ATP8A2: variants seen among roughly 807,000 people sequenced by gnomAD.
ATP8A2 encodes the protein phospholipid-transporting ATPase IB.
Under a neutral mutation model 165.6 loss-of-function variants are expected in ATP8A2, and 100 were observed. The observed-to-expected ratio is 0.60, with a 90% CI of 0.51 to 0.71. The LOEUF (loss-of-function observed/expected upper bound fraction) is 0.71, where lower values mean the gene tolerates loss of function less well. ATP8A2 is among the 30% of genes least tolerant of loss of function. The probability of loss-of-function intolerance (pLI) is 0.00; values close to 1 mark genes in which losing one functional copy is unlikely to be tolerated. For missense variants in ATP8A2, 1,227 were observed against 1,479.5 expected, an observed-to-expected ratio of 0.83 and a Z score of 2.80; for synonymous variants, 543 against 548.8, an observed-to-expected ratio of 0.99 and a Z score of 0.15.
chr13:25,654,561 C>T (rs1377548879), intron 24 of ATP8A2, among the ~76,000 whole-genome samples: 3 of 152,150 alleles, frequency 2.0e-5, no homozygotes, highest in African/African-American at 7.2e-5. Context: ...CACTGAGTCA[C>T]TAGGCCATCC....
intron 33 of ATP8A2, chr13:25,927,433 T>C: frequency 2.9e-6 from 1 of 350,230 alleles, no homozygotes; most frequent in South Asian, 2.2e-5. Flanking sequence ...ATTCTGAGCT[T>C]TTCTGGGTCA....
chr13:25,961,438 A>C (rs1374129349), intron 33 of ATP8A2, 137 bp from the exon 34 acceptor site: 2 of 651,356 alleles, frequency 3.1e-6, no homozygotes, highest in East Asian at 2.9e-5. Flanking sequence ...TGGTCCTGCC[A>C]GTGCATGGGT....
At chr13:25,760,617 A>AT (rs1335878962) in intron 25 of ATP8A2, among the ~76,000 whole-genome samples, 1 of 152,238 alleles carries the variant, frequency 6.6e-6, no homozygotes, top group Admixed American at 6.5e-5. Flanking sequence ...GGAGGTGCAT[A>AT]TAACACTGAA....
At chr13:25,626,658 T>C (rs548178609) in intron 24 of ATP8A2, among the ~76,000 whole-genome samples, 1 of 152,268 alleles carries the variant, frequency 6.6e-6, no homozygotes, top group South Asian at 2.1e-4. Flanking sequence ...GGATGATGTG[T>C]TAAGGAGTGG....
intron 24 of ATP8A2, among the ~76,000 whole-genome samples, chr13:25,639,724 A>C (rs2041464911): frequency 6.6e-6 from 1 of 151,232 alleles, no homozygotes; most frequent in Non-Finnish European, 1.5e-5. Context: ...GATATCCGGG[A>C]ATTGAACTCA....
At chr13:25,549,854 C>A (rs145495627) in intron 10 of ATP8A2, among the ~76,000 whole-genome samples, 1,974 of 152,258 alleles carry the variant, frequency 0.013, 19 homozygotes, top group Non-Finnish European at 0.021. Flanking sequence ...TTCTCTGTCT[C>A]CACCTCTCCC....
In ATP8A2 at chr13:25,901,754, A is replaced by T. The variant is rs576130657; in HGVS notation, c.3183+39346A>T. ...CACTCTAGATCGTATTTGCTAAGCT[A>T]GTAAAGCCGTGTAGGCTTGTTCTAG... On this transcript the variant is annotated intron_variant, in intron 33 of 36. Transcript: ENST00000381655. Among the ~76,000 whole-genome samples, 7 of 152,372 alleles carry T rather than the reference A, an allele frequency of 4.6e-5. No individual in the cohort carries two copies. The South Asian group carries it at 6.2e-4, about 14-fold the overall frequency.
At chr13:25,375,731 C>T (rs1237611654) in intron 1 of ATP8A2, among the ~76,000 whole-genome samples, 1 of 151,976 alleles carries the variant, frequency 6.6e-6, no homozygotes, top group Non-Finnish European at 1.5e-5. Context: ...CACCACCACA[C>T]TCAGCTAATT....
rs1566297209 is a variant in ATP8A2 at position 25,581,814 on chromosome 13, T to C, written c.2008-5T>C. On this transcript the variant is annotated splice_region_variant and splice_polypyrimidine_tract_variant and intron_variant, in intron 22 of 36. Transcript: ENST00000381655. ...TCTTTAACTGAGGATATTTTTTCAA[T>C]GTAGAATTTGCTGCTACTTGGAGCC... 8.7e-6 allele frequency: 14 copies of C among 1,613,450 alleles called. No homozygotes were observed. The highest frequency in any genetic ancestry group is 1.2e-5 in the Non-Finnish European group (14 of 1,179,588).
At chr13:26,016,387 A>G (rs1311520935) in intron 36 of ATP8A2, among the ~76,000 whole-genome samples, 2 of 152,176 alleles carry the variant, frequency 1.3e-5, no homozygotes, top group Admixed American at 1.3e-4. Flanking sequence ...CCCATCCCAG[A>G]GGGGCCAAAT....
At chr13:25,990,954 G>T (rs1479706124) in intron 35 of ATP8A2, among the ~76,000 whole-genome samples, 1 of 152,108 alleles carries the variant, frequency 6.6e-6, no homozygotes. Context: ...CTTTTCATAG[G>T]CTTGCCGACA....
intron 33 of ATP8A2, among the ~76,000 whole-genome samples, chr13:25,903,048 G>A (rs896416480): frequency 2.0e-5 from 3 of 151,854 alleles, no homozygotes; most frequent in Non-Finnish European, 2.9e-5. Context: ...CCTGGGAGGC[G>A]GAGGTTGCAG....
Position 25,862,418 on chromosome 13 carries a change from C to A in ATP8A2, c.3183+10C>A, listed in dbSNP as rs1202931154. On this transcript the variant is annotated intron_variant, in intron 33 of 36. Transcript: ENST00000381655. ...AGATATGAGAGGACAGGTAAGTACTCCTGATTGGGAGTGTGTCTTCTGTGT... is the reference window on the plus strand; with the variant it reads ...AGATATGAGAGGACAGGTAAGTACTACTGATTGGGAGTGTGTCTTCTGTGT... The A allele has an allele frequency of 2.5e-6, 4 of 1,595,450 alleles. No individual in the cohort carries two copies. Among genetic ancestry groups the A allele is most frequent in the Admixed American group, 3.3e-5 (2 of 59,968 alleles).
chr13:25,693,294 G>A (rs770190611), intron 24 of ATP8A2, among the ~76,000 whole-genome samples: 12 of 152,272 alleles, frequency 7.9e-5, no homozygotes, highest in Admixed American at 6.5e-5. Flanking sequence ...CAATTGGCTC[G>A]CTTGAGAACT....
At chr13:25,832,933 T>C (rs752118526) in intron 28 of ATP8A2, among the ~76,000 whole-genome samples, 8 of 152,104 alleles carry the variant, frequency 5.3e-5, no homozygotes, top group Non-Finnish European at 7.4e-5. Context: ...AATATGTTCA[T>C]ATATGATTGT....
intron 27 of ATP8A2, among the ~76,000 whole-genome samples, chr13:25,814,409 C>T (rs1011810466): frequency 1.3e-5 from 2 of 151,636 alleles, no homozygotes; most frequent in African/African-American, 4.8e-5. Context: ...ATATGGAAGC[C>T]CAGTGGATCC....
chr13:25,551,500 A>T lies in ATP8A2; in HGVS notation c.1054A>T (p.Met352Leu). ...HGEKNWYIKK[M>L]DTTSDNFGYN... The stretch of plus-strand genomic sequence containing the variant: ...TGAAAAGAACTGGTACATCAAGAAG[A>T]TGGGTAAGTGTCGGGGTGGGTTGCT... Residue 352 changes from methionine (M) to leucine (L), a missense_variant, in exon 11 of 37, where the codon ATG becomes TTG. Around this residue, in one of 5 missense-constraint regions of ATP8A2, gnomAD observed 592 missense variants for 785.6 expected, o/e 0.75. Coordinates refer to ENST00000381655, the MANE Select transcript of ATP8A2 (RefSeq NM_016529.6). 6.2e-7 allele frequency: 1 copy of T among 1,601,218 alleles called. No individual in the cohort carries two copies. Among genetic ancestry groups the T allele is most frequent in the Non-Finnish European group, 8.5e-7 (1 of 1,170,430 alleles).
At chr13:25,652,838 A>G (rs1009835811) in intron 24 of ATP8A2, among the ~76,000 whole-genome samples, 1 of 152,148 alleles carries the variant, frequency 6.6e-6, no homozygotes, top group Non-Finnish European at 1.5e-5. Flanking sequence ...CCTTGCACTG[A>G]CTGTGCCATT....
intron 24 of ATP8A2, among the ~76,000 whole-genome samples, chr13:25,681,414 A>T (rs933310969): frequency 5.9e-5 from 9 of 152,138 alleles, no homozygotes; most frequent in African/African-American, 2.2e-4. Context: ...GTTTACTTTA[A>T]TTTTTCCACA....
Sources: gnomAD v4.1 joint callset for allele counts (sites outside exome capture counted in the v4.1 genomes callset) on GRCh38, gnomAD v4.1.1 for gene constraint, gnomAD v4.1.1 regional missense constraint, MANE v1.5 for transcripts, NCBI Gene and HGNC (gene_info 2026-07-23, HGNC 2026-07-21) for gene names.